The following ERC1 variants were observed in gnomAD, a reference collection of about 807,000 sequenced individuals.
The protein encoded by ERC1 is ELKS/RAB6-interacting/CAST family member 1.
A neutral mutation model predicts 132.0 loss-of-function variants in ERC1; 56 were observed. The observed-to-expected ratio is 0.42, with a 90% CI of 0.34 to 0.53. The LOEUF is 0.53. ERC1 is among the 20% of genes least tolerant of loss of function. The pLI is 0.03. For missense variants in ERC1, 1,202 were observed against 1,349.9 expected, an observed-to-expected ratio of 0.89 and a Z score of 1.72; for synonymous variants, 478 against 476.1, an observed-to-expected ratio of 1.00 and a Z score of -0.05.
At chr12:1,274,396 A>ACC (rs2078095463) in intron 14 of ERC1, among the ~76,000 whole-genome samples, 1 of 152,236 alleles carries the variant, frequency 6.6e-6, no homozygotes, top group Non-Finnish European at 1.5e-5. Flanking sequence ...AAAAAAGTAT[A>ACC]GTATTTTATA....
intron 15 of ERC1, among the ~76,000 whole-genome samples, chr12:1,369,658 C>T (rs1476877747): frequency 1.3e-5 from 2 of 152,206 alleles, no homozygotes; most frequent in African/African-American, 4.8e-5. Flanking sequence ...TGAACTCTTT[C>T]ACCTTTAAGC....
chr12:1,065,217 TCTC>T (rs1419949413), intron 2 of ERC1, among the ~76,000 whole-genome samples: 2 of 152,066 alleles, frequency 1.3e-5, no homozygotes, highest in African/African-American at 4.8e-5. Flanking sequence ...GCCAGGCTGG[TCTC>T]AAACTCCTGA....
At chr12:1,151,219 C>G (rs1950805443) in intron 8 of ERC1, among the ~76,000 whole-genome samples, 3 of 152,178 alleles carry the variant, frequency 2.0e-5, no homozygotes, top group Admixed American at 2.0e-4. Flanking sequence ...GCATTCTTTT[C>G]AAAGCTTGGT....
chr12:1,118,336 C>A (rs866386323), intron 7 of ERC1, among the ~76,000 whole-genome samples: 1 of 152,196 alleles, frequency 6.6e-6, no homozygotes, highest in African/African-American at 2.4e-5. Flanking sequence ...TCCCCCTTGG[C>A]AATCCATGCT....
At chr12:1,173,627 C>A (rs934631579) in intron 8 of ERC1, among the ~76,000 whole-genome samples, 1 of 150,726 alleles carries the variant, frequency 6.6e-6, no homozygotes, top group Non-Finnish European at 1.5e-5. Context: ...ATAGAATAGA[C>A]TCTCTGCTGA....
intron 13 of ERC1, among the ~76,000 whole-genome samples, chr12:1,243,193 C>CAA (rs1336288698): frequency 1.4e-5 from 1 of 70,816 alleles, no homozygotes; most frequent in Admixed American, 1.5e-4. Context: ...GACTCCGTCT[C>CAA]AAAAAAAAAA....
intron 12 of ERC1, among the ~76,000 whole-genome samples, chr12:1,191,651 C>T (rs1452270971): frequency 6.6e-6 from 1 of 152,128 alleles, no homozygotes; most frequent in African/African-American, 2.4e-5. Flanking sequence ...TAAGTCTGTA[C>T]TTGATATCCA....
chr12:1,263,333 G>C (rs550978887), intron 14 of ERC1, among the ~76,000 whole-genome samples, 168 bp downstream of exon 14: 2 of 152,280 alleles, frequency 1.3e-5, no homozygotes, highest in South Asian at 4.1e-4. Flanking sequence ...TAGATACAAG[G>C]ATGTGGTTTC....
rs117233059 is a variant in ERC1 at position 1,331,153 on chromosome 12, G to A, written c.2781-40680G>A. 5.6e-3 allele frequency among the ~76,000 whole-genome samples: 860 copies of A among 152,248 alleles called. 4 individuals carry two copies. Among genetic ancestry groups the A allele is most frequent in the Non-Finnish European group, 9.2e-3 (623 of 68,018 alleles). On this transcript the variant is annotated intron_variant, in intron 15 of 18. Coordinates refer to ENST00000360905, the MANE Select transcript of ERC1 (RefSeq NM_178040.4). ...CCAATACTCCAGAAGCCCTCTTTGTGCTTCCCTCCAGTGAGTAACACCTCC... is the reference window on the plus strand; with the variant it reads ...CCAATACTCCAGAAGCCCTCTTTGTACTTCCCTCCAGTGAGTAACACCTCC...
intron 13 of ERC1, among the ~76,000 whole-genome samples, chr12:1,241,687 C>T (rs2154306375): frequency 6.6e-6 from 1 of 152,084 alleles, no homozygotes; most frequent in South Asian, 2.1e-4. Flanking sequence ...TCTTTCTTTA[C>T]CCTGATACCC....
intron 3 of ERC1, among the ~76,000 whole-genome samples, chr12:1,093,474 ATAC>A (rs1943515477): frequency 6.6e-6 from 1 of 152,170 alleles, no homozygotes; most frequent in South Asian, 2.1e-4. Context: ...CTAGCAGAGG[ATAC>A]CTAAGTTGGC....
chr12:1,267,929 G>A (rs1713214922), intron 14 of ERC1, among the ~76,000 whole-genome samples: 1 of 152,108 alleles, frequency 6.6e-6, no homozygotes, highest in Admixed American at 6.5e-5. Flanking sequence ...CAAGGTTATA[G>A]GATTATATCT....
intron 16 of ERC1, among the ~76,000 whole-genome samples, chr12:1,374,492 T>G (rs138867051): frequency 1.5e-4 from 23 of 152,054 alleles, no homozygotes; most frequent in African/African-American, 5.5e-4. Flanking sequence ...AAAAATAAAC[T>G]AAGGCTGTCT....
chr12:1,385,373 C>T (rs1372992107), intron 16 of ERC1, among the ~76,000 whole-genome samples: 1 of 152,150 alleles, frequency 6.6e-6, no homozygotes, highest in African/African-American at 2.4e-5. Context: ...AGCTCCGCCT[C>T]CCGGGTTCAC....
chr12:992,137 A>C (rs745574639), intron 1 of ERC1, among the ~76,000 whole-genome samples: 1 of 152,134 alleles, frequency 6.6e-6, no homozygotes, highest in Non-Finnish European at 1.5e-5. Flanking sequence ...CATTACGCTT[A>C]GCTCCTTCAA....
At chr12:1,113,017 T>C (rs1391455294) in intron 6 of ERC1, among the ~76,000 whole-genome samples, 1 of 152,178 alleles carries the variant, frequency 6.6e-6, no homozygotes, top group Non-Finnish European at 1.5e-5. Flanking sequence ...ATGTACAGGC[T>C]TTTTTCCCAT....
chr12:1,205,519 G>A (rs1421603553), intron 12 of ERC1, among the ~76,000 whole-genome samples: 6 of 151,462 alleles, frequency 4.0e-5, no homozygotes, highest in Non-Finnish European at 7.4e-5. Context: ...GAGTTAGCCC[G>A]CCAAAAAAGA....
intron 7 of ERC1, among the ~76,000 whole-genome samples, chr12:1,117,524 A>G (rs772855323): frequency 5.3e-5 from 8 of 152,184 alleles, no homozygotes; most frequent in Non-Finnish European, 1.0e-4. Flanking sequence ...TTGGCTCTAG[A>G]GTCATGTTTA....
intron 11 of ERC1, among the ~76,000 whole-genome samples, chr12:1,186,065 G>C (rs567595051): frequency 3.3e-5 from 5 of 152,144 alleles, no homozygotes; most frequent in Non-Finnish European, 7.3e-5. Flanking sequence ...ACTTAATCTC[G>C]AAAGTACCTC....
Sources: gnomAD v4.1 joint callset for allele counts (sites outside exome capture counted in the v4.1 genomes callset) on GRCh38, gnomAD v4.1.1 for gene constraint, MANE v1.5 for transcripts, NCBI Gene and HGNC (gene_info 2026-07-23, HGNC 2026-07-21) for gene names.